The following PMFBP1 variants were observed in gnomAD, a reference collection of about 807,000 sequenced individuals.
The protein encoded by PMFBP1 is polyamine-modulated factor 1-binding protein 1.
PMFBP1 carries 131 observed loss-of-function variants against 137.8 expected under a neutral mutation model. The observed-to-expected ratio is 0.95, with a 90% confidence interval of 0.82 to 1.10. The LOEUF is 1.10. Ranked by LOEUF, PMFBP1 falls within the 50% of genes least tolerant of loss-of-function variation. The probability of loss-of-function intolerance (pLI) is 0.00; values close to 1 mark genes in which losing one functional copy is unlikely to be tolerated. For missense variants in PMFBP1, 1,199 were observed against 1,175.4 expected, an observed-to-expected ratio of 1.02 and a Z score of -0.29; for synonymous variants, 490 against 450.4, an observed-to-expected ratio of 1.09 and a Z score of -1.11.
chr16:72,206,391 T>C, the PMFBP1 span, among the ~76,000 whole-genome samples: 1 of 152,208 alleles, frequency 6.6e-6, no homozygotes, highest in African/African-American at 2.4e-5. Flanking sequence ...ACCACTGGGA[T>C]GCTCACTCGT....
chr16:72,246,666 G>T, the PMFBP1 span, among the ~76,000 whole-genome samples: 1 of 151,964 alleles, frequency 6.6e-6, no homozygotes, highest in African/African-American at 2.4e-5. Context: ...AGTATTTCCT[G>T]TAGTACACAT....
At chr16:72,217,357 C>T in the PMFBP1 span, among the ~76,000 whole-genome samples, 1 of 152,088 alleles carries the variant, frequency 6.6e-6, no homozygotes, top group Non-Finnish European at 1.5e-5. Flanking sequence ...CTGATTGATT[C>T]TCTCAGAATG....
At chr16:72,225,753 A>T in the PMFBP1 span, among the ~76,000 whole-genome samples, 12 of 141,170 alleles carry the variant, frequency 8.5e-5, no homozygotes, top group African/African-American at 2.8e-4. Context: ...ATAATAATAA[A>T]GCCTCACAAA....
chr16:72,219,673 T>C, the PMFBP1 span, among the ~76,000 whole-genome samples: 3 of 152,110 alleles, frequency 2.0e-5, no homozygotes, highest in South Asian at 2.1e-4. Context: ...CCAGATGGTA[T>C]GAAATTTGAG....
At chr16:72,249,552 T>C in the PMFBP1 span, among the ~76,000 whole-genome samples, 2 of 152,080 alleles carry the variant, frequency 1.3e-5, no homozygotes, top group African/African-American at 4.8e-5. Context: ...ACCTACTGTA[T>C]GTCAGGCACT....
At chr16:72,217,100 TA>T in the PMFBP1 span, among the ~76,000 whole-genome samples, 1 of 152,164 alleles carries the variant, frequency 6.6e-6, no homozygotes, top group Non-Finnish European at 1.5e-5. Flanking sequence ...ACAGCTAATC[TA>T]ATTGCTCTCT....
At chr16:72,224,916 T>C in the PMFBP1 span, 5 of 152,198 alleles carry the variant, frequency 3.3e-5, no homozygotes, top group Non-Finnish European at 5.9e-5. Context: ...ACTTTGCACA[T>C]ATTAAGGGCT....
the PMFBP1 span, among the ~76,000 whole-genome samples, chr16:72,242,349 C>T: frequency 9.9e-5 from 15 of 152,192 alleles, no homozygotes; most frequent in Non-Finnish European, 2.1e-4. Context: ...GGGAAAAATA[C>T]ACCAAACAAA....
chr16:72,202,641 C>T, the PMFBP1 span, among the ~76,000 whole-genome samples: 1 of 152,198 alleles, frequency 6.6e-6, no homozygotes, highest in Admixed American at 6.5e-5. Flanking sequence ...ATTATTGCCC[C>T]GTAGGAGGCT....
rs778332799 is a variant in PMFBP1, at chr16:72,154,379, T to C, written c.246A>G (p.Gln82=). ...GCAATTTTTTCTTCAGTTGCTGGAG[T>C]TGTCTCAGATGACACTGTTTACTGG... ...FGSSKQCHLR[Q]LQQLKKKLLV... is the part of the protein sequence containing the mutation. Residue 82 remains glutamine (Q), a synonymous_variant, in exon 4 of 21, where the codon CAA becomes CAG. Transcript: ENST00000237353. 12 of 1,614,018 alleles carry C rather than the reference T, an allele frequency of 7.4e-6. No homozygotes were observed. The Admixed American group carries it at 1.0e-4, about 13-fold the overall frequency.
intron 13 of PMFBP1, 28 bp downstream of exon 13, chr16:72,129,038 C>T (rs751732957): frequency 6.8e-6 from 11 of 1,608,592 alleles, no homozygotes; most frequent in African/African-American, 1.3e-5. Context: ...GATTCCTGAC[C>T]CAGCTCTCCT....
At chr16:72,165,173 C>A (rs1042712968) in intron 2 of PMFBP1, among the ~76,000 whole-genome samples, 2 of 152,128 alleles carry the variant, frequency 1.3e-5, no homozygotes, top group African/African-American at 2.4e-5. Flanking sequence ...ACAGACAATT[C>A]CCCTGTTTTT....
intron 19 of PMFBP1, among the ~76,000 whole-genome samples, chr16:72,120,514 C>T (rs1364040033): frequency 6.6e-6 from 1 of 152,212 alleles, no homozygotes; most frequent in Non-Finnish European, 1.5e-5. Flanking sequence ...TCTCACCCAG[C>T]ACCAATGCCA....
intron 20 of PMFBP1, 116 bp downstream of exon 20, chr16:72,119,735 C>G: frequency 6.6e-7 from 1 of 1,523,946 alleles, no homozygotes; most frequent in Non-Finnish European, 8.8e-7. Context: ...TCCAAAGTCG[C>G]TAAGAAAATG....
the PMFBP1 span, among the ~76,000 whole-genome samples, chr16:72,183,005 G>C: frequency 6.6e-6 from 1 of 152,206 alleles, no homozygotes; most frequent in Admixed American, 6.5e-5. Flanking sequence ...TGCCCTGCCA[G>C]GTCCCCAGAG....
chr16:72,210,941 G>A, the PMFBP1 span, among the ~76,000 whole-genome samples: 1 of 152,198 alleles, frequency 6.6e-6, no homozygotes, highest in African/African-American at 2.4e-5. Flanking sequence ...TCTTCCATAT[G>A]CCAGAAGGGG....
Position 72,158,080 on chromosome 16 carries a change from T to G in PMFBP1, c.166-3621A>C, listed in dbSNP as rs565359757. Among the ~76,000 whole-genome samples, 12 of 152,298 alleles carry G rather than the reference T, an allele frequency of 7.9e-5. No individual in the cohort carries two copies. In the South Asian group the frequency reaches 2.5e-3, roughly 32 times the overall value. On this transcript the variant is annotated intron_variant, in intron 3 of 20. Coordinates refer to ENST00000237353, the MANE Select transcript of PMFBP1 (RefSeq NM_031293.3). ...GCAGCACAGGGAAGGTAAAGGAGGC[T>G]TAACCCAGTCCAGAACCAGAAAGAT...
At chr16:72,249,920 CA>C in the PMFBP1 span, among the ~76,000 whole-genome samples, 473 of 30,096 alleles carry the variant, frequency 0.016, no homozygotes, top group South Asian at 0.051. Context: ...GACTCCATCG[CA>C]AAAAAAAAAA....
the PMFBP1 span, among the ~76,000 whole-genome samples, chr16:72,234,627 G>A: frequency 6.6e-6 from 1 of 152,116 alleles, no homozygotes; most frequent in East Asian, 1.9e-4. Flanking sequence ...ACATGGGGCT[G>A]TCTTATTCTC....
Sources: allele counts gnomAD v4.1 joint callset (sites outside exome capture counted in the v4.1 genomes callset), GRCh38; gene constraint gnomAD v4.1.1; transcripts MANE v1.5; gene names NCBI Gene and HGNC (gene_info 2026-07-23, HGNC 2026-07-21).